NYAP2: variants seen among roughly 807,000 people sequenced by gnomAD.
The protein encoded by NYAP2 is neuronal tyrosine-phosphorylated phosphoinositide-3-kinase adapter 2.
In NYAP2, 23 loss-of-function variants were observed where a neutral mutation model predicts 50.4. The observed-to-expected ratio is 0.46, with a 90% CI of 0.33 to 0.65. NYAP2 has a LOEUF of 0.65. NYAP2 is among the 30% of genes least tolerant of loss of function. NYAP2 has a pLI of 0.02. For synonymous variants in NYAP2, 394 were observed against 365.2 expected (o/e 1.08, Z -0.90); for missense variants, 885 against 861.0 (o/e 1.03, Z -0.35).
intron 5 of NYAP2, among the ~76,000 whole-genome samples, chr2:225,599,100 C>A (rs1376595524): frequency 2.0e-5 from 3 of 152,230 alleles, no homozygotes; most frequent in African/African-American, 7.2e-5. Context: ...CTCTCTCATT[C>A]TTCTAAGAAT....
intron 3 of NYAP2, among the ~76,000 whole-genome samples, chr2:225,463,407 A>T (rs1394554286): frequency 6.6e-6 from 1 of 152,262 alleles, no homozygotes; most frequent in Non-Finnish European, 1.5e-5. Context: ...TGTAACACTC[A>T]TGTGTCTTTG....
At chr2:225,679,138 A>C in the NYAP2 span, among the ~76,000 whole-genome samples, 1 of 152,186 alleles carries the variant, frequency 6.6e-6, no homozygotes, top group African/African-American at 2.4e-5. Flanking sequence ...TATGGACACA[A>C]TAACAATTGC....
At chr2:225,438,684 T>C (rs1689422081) in intron 3 of NYAP2, among the ~76,000 whole-genome samples, 1 of 152,210 alleles carries the variant, frequency 6.6e-6, no homozygotes, top group East Asian at 1.9e-4. Flanking sequence ...AAATTGCTTG[T>C]TCATTCATCT....
intron 4 of NYAP2, among the ~76,000 whole-genome samples, chr2:225,523,458 G>C (rs1467808510): frequency 6.6e-6 from 1 of 151,668 alleles, no homozygotes; most frequent in Non-Finnish European, 1.5e-5. Context: ...AATTCAAAAA[G>C]TCAATCCCAT....
At chr2:225,453,779 T>G (rs28636812) in intron 3 of NYAP2, among the ~76,000 whole-genome samples, 1 of 151,532 alleles carries the variant, frequency 6.6e-6, no homozygotes, top group Non-Finnish European at 1.5e-5. Flanking sequence ...GCAATTCTCC[T>G]GCCTAAACCT....
Position 225,401,465 on chromosome 2 carries a change from C to T in NYAP2, c.-18+422C>T. On this transcript the variant is annotated intron_variant, in intron 2 of 6. Transcript: ENST00000636099. ...AGCAGTGAGAGCCCAATTTTACATT[C>T]TCAGGAGAAAAGACACAGTATCCCC... 1.3e-5 allele frequency among the ~76,000 whole-genome samples: 2 copies of T among 152,042 alleles called. 1 individual carries two copies. Among genetic ancestry groups the T allele is most frequent in the Non-Finnish European group, 2.9e-5 (2 of 67,980 alleles).
At chr2:225,460,157 A>G (rs1574625960) in intron 3 of NYAP2, among the ~76,000 whole-genome samples, 1 of 152,124 alleles carries the variant, frequency 6.6e-6, no homozygotes, top group African/African-American at 2.4e-5. Context: ...TTTTTTGTAT[A>G]TACATTATCT....
chr2:225,597,864 C>T (rs1692632459), intron 5 of NYAP2, among the ~76,000 whole-genome samples: 1 of 151,768 alleles, frequency 6.6e-6, no homozygotes, highest in African/African-American at 2.4e-5. Context: ...CCTTTAGATA[C>T]ATGTAAAAAA....
rs1695173164 is a variant in NYAP2 at position 225,419,131 on chromosome 2, A to G, written c.221+10030A>G. ...TGCAGTCGGCGATACTGATTCTAAG[A>G]GCTATATGATCCACACACTCGGCTG... On this transcript the variant is annotated intron_variant, in intron 3 of 6. Transcript: ENST00000636099. Among the ~76,000 whole-genome samples the G allele has an allele frequency of 1.3e-5, 2 of 152,180 alleles. 1 individual carries two copies. Among genetic ancestry groups the G allele is most frequent in the South Asian group, 4.2e-4 (2 of 4,818 alleles).
At chr2:225,670,663 C>T in the NYAP2 span, among the ~76,000 whole-genome samples, 1 of 148,714 alleles carries the variant, frequency 6.7e-6, no homozygotes, top group Non-Finnish European at 1.5e-5. Flanking sequence ...ATCATTTTGG[C>T]AGCATCAAGC....
chr2:225,477,008 C>T (rs1160241471), intron 3 of NYAP2, among the ~76,000 whole-genome samples: 2 of 152,032 alleles, frequency 1.3e-5, no homozygotes, highest in African/African-American at 4.8e-5. Flanking sequence ...GCCACCACTG[C>T]CTATGCCTTT....
At chr2:225,426,024 T>C (rs1038606930) in intron 3 of NYAP2, among the ~76,000 whole-genome samples, 1 of 151,922 alleles carries the variant, frequency 6.6e-6, no homozygotes, top group African/African-American at 2.4e-5. Context: ...AACATCAAGA[T>C]GAAAAAAATA....
chr2:225,568,070 A>G lies in NYAP2; in HGVS notation c.524-13871A>G, dbSNP rs918633700. 2.0e-5 allele frequency among the ~76,000 whole-genome samples: 3 copies of G among 152,166 alleles called. No homozygotes were observed. The South Asian group carries it at 6.2e-4, about 32-fold the overall frequency. On this transcript the variant is annotated intron_variant, in intron 4 of 6. Transcript: ENST00000636099. ...AAATGGTCTTGCTATATTAAGCTTT[A>G]TAACTACACAGGAGGTTTTTTGCCA... is the stretch of plus-strand genomic sequence containing the variant.
At chr2:225,668,925 A>G in the NYAP2 span, among the ~76,000 whole-genome samples, 2 of 151,794 alleles carry the variant, frequency 1.3e-5, no homozygotes, top group African/African-American at 4.8e-5. Context: ...ATAAATAAAG[A>G]AAAAAATTGT....
intron 5 of NYAP2, among the ~76,000 whole-genome samples, chr2:225,600,370 G>A (rs559106196): frequency 2.6e-5 from 4 of 152,292 alleles, no homozygotes; most frequent in East Asian, 1.9e-4. Context: ...AGCAATTTGG[G>A]AAGGGTCAGA....
At chr2:225,541,410 T>C (rs1303370230) in intron 4 of NYAP2, among the ~76,000 whole-genome samples, 4 of 152,168 alleles carry the variant, frequency 2.6e-5, no homozygotes, top group African/African-American at 9.6e-5. Flanking sequence ...ATTTTAGCGG[T>C]TTCATGATTT....
intron 3 of NYAP2, among the ~76,000 whole-genome samples, chr2:225,410,150 GGA>G (rs989872455): frequency 6.6e-6 from 1 of 151,904 alleles, no homozygotes; most frequent in Non-Finnish European, 1.5e-5. Context: ...ATAACTTTAT[GGA>G]GAGAGAGAGA....
the NYAP2 span, among the ~76,000 whole-genome samples, chr2:225,673,463 A>T: frequency 7.9e-5 from 2 of 25,464 alleles, no homozygotes; most frequent in Non-Finnish European, 1.5e-4. Context: ...CAATTTATTT[A>T]AAAAAAAATG....
intron 4 of NYAP2, among the ~76,000 whole-genome samples, chr2:225,559,749 C>T (rs1256796814): frequency 1.3e-5 from 2 of 151,934 alleles, no homozygotes; most frequent in African/African-American, 4.8e-5. Flanking sequence ...TCATTATACT[C>T]CCAAAAGGAG....
Sources: allele counts gnomAD v4.1 joint callset (sites outside exome capture counted in the v4.1 genomes callset), GRCh38; gene constraint gnomAD v4.1.1; transcripts MANE v1.5; gene names NCBI Gene and HGNC (gene_info 2026-07-23, HGNC 2026-07-21).